Variants in GLS observed in about 807,000 individuals in gnomAD.
GLS encodes glutaminase kidney isoform, mitochondrial.
Under a neutral mutation model 86.7 loss-of-function variants are expected in GLS, and 36 were observed. That is an observed-to-expected ratio of 0.42 (90% CI 0.32 to 0.55). The LOEUF (loss-of-function observed/expected upper bound fraction) is 0.55. Among genes scored for constraint, GLS ranks in the 20% least tolerant of loss-of-function variants. The pLI, the probability that GLS is intolerant of heterozygous loss-of-function variation, is 0.17. For missense variants in GLS, 528 were observed against 833.4 expected, an observed-to-expected ratio of 0.63 and a Z score of 4.51; for synonymous variants, 317 against 305.9, an observed-to-expected ratio of 1.04 and a Z score of -0.38.
chr2:190,912,221 C>A (rs1350070924), intron 7 of GLS, among the ~76,000 whole-genome samples: 1 of 151,854 alleles, frequency 6.6e-6, no homozygotes, highest in Non-Finnish European at 1.5e-5. Context: ...CAAATTTGAT[C>A]AGTGATTTTC....
chr2:190,883,001 T>G (rs1688255819), intron 1 of GLS, among the ~76,000 whole-genome samples: 1 of 152,190 alleles, frequency 6.6e-6, no homozygotes, highest in Non-Finnish European at 1.5e-5. Context: ...TCACAACCGT[T>G]TAAAAGTTCA....
intron 17 of GLS, among the ~76,000 whole-genome samples, chr2:190,960,836 C>G (rs970517807): frequency 1.3e-5 from 2 of 152,294 alleles, no homozygotes; most frequent in East Asian, 3.9e-4. Flanking sequence ...TAAAAAAGCA[C>G]TATGATTAAA....
chr2:190,880,821 A>C lies in GLS; in HGVS notation c.-264A>C. The C allele has an allele frequency of 9.7e-6, 7 of 718,850 alleles. No individual in the cohort carries two copies. In the South Asian group the frequency reaches 1.1e-4, roughly 11 times the overall value. 44.5% of individuals were successfully genotyped at this position (718,850 alleles called of 1,614,324 possible). ...TAGCCCTCCCCTGCGCTTTAGCCTC[A>C]GTGCGGAGCCTTAGGCGGAGCGAAG... On this transcript the variant is annotated 5_prime_UTR_variant, in exon 1 of 18. Coordinates refer to ENST00000320717, the MANE Select transcript of GLS (RefSeq NM_014905.5).
chr2:190,922,592 A>G (rs1689776080), intron 9 of GLS, among the ~76,000 whole-genome samples: 2 of 152,098 alleles, frequency 1.3e-5, no homozygotes, highest in African/African-American at 4.8e-5. Flanking sequence ...TCATTTCTGT[A>G]TCCCTGTTAT....
intron 1 of GLS, among the ~76,000 whole-genome samples, chr2:190,887,268 A>T (rs1424806397): frequency 6.6e-6 from 1 of 152,214 alleles, no homozygotes; most frequent in Non-Finnish European, 1.5e-5. Context: ...ACTCAGGTGC[A>T]AAATTGCTTT....
At chr2:190,944,196 A>ATTTTTTTTTTTTTT (rs5837212) in intron 14 of GLS, among the ~76,000 whole-genome samples, 1 of 147,234 alleles carries the variant, frequency 6.8e-6, no homozygotes, top group Non-Finnish European at 1.5e-5. Context: ...AATGGCCTGG[A>ATTTTTTTTTTTTTT]TTTTTTTTTT....
Position 190,921,341 on chromosome 2 carries a change from T to G in GLS, c.1130+138T>G. ...ACACTTAAAAATACTTTAAATAGTT[T>G]TGACAAATTTCTTACAGGTAATCAT... On this transcript the variant is annotated intron_variant, in intron 9 of 17. Transcript: ENST00000320717. This position sits in a 1 kb window ranked among gnomAD's most constrained non-coding sequence, Gnocchi z 4.2. 3.0e-6 allele frequency: 2 copies of G among 671,996 alleles called. No individual in the cohort carries two copies. Among genetic ancestry groups the G allele is most frequent in the South Asian group, 3.7e-5 (2 of 53,518 alleles). The allele number at this position is 671,996 out of a possible 1,614,324, so 41.6% of individuals were successfully genotyped here. A position where few individuals can be genotyped will look rare whatever the true frequency, so the allele number is the denominator to read the frequency against.
intron 1 of GLS, among the ~76,000 whole-genome samples, chr2:190,888,683 G>A (rs1282755866): frequency 6.6e-6 from 1 of 152,106 alleles, no homozygotes; most frequent in African/African-American, 2.4e-5. Flanking sequence ...TGTAGTTTGC[G>A]TAGCCCTACA....
At chr2:190,923,553 A>G (rs1010021469) in intron 9 of GLS, among the ~76,000 whole-genome samples, 6 of 152,234 alleles carry the variant, frequency 3.9e-5, no homozygotes, top group African/African-American at 1.4e-4. Context: ...TATGTCAATT[A>G]AAATGGACTC....
In GLS at chr2:190,956,667, G is replaced by A. The variant is rs1479873254; in HGVS notation, c.1853+1849G>A. ...AGTCAATGGTAGCTTTATGGGGATAGCATAGAACCTATAAATTACTTTGGG... is the reference window on the plus strand; with the variant it reads ...AGTCAATGGTAGCTTTATGGGGATAACATAGAACCTATAAATTACTTTGGG... On this transcript the variant is annotated intron_variant, in intron 17 of 17. Transcript: ENST00000320717. The surrounding 1 kb of genome is among the most constrained non-coding windows in gnomAD (Gnocchi z 4.2). Among the ~76,000 whole-genome samples the A allele has an allele frequency of 6.6e-6, 1 of 152,110 alleles. No individual in the cohort carries two copies. Among genetic ancestry groups the A allele is most frequent in the African/African-American group, 2.4e-5 (1 of 41,424 alleles).
intron 11 of GLS, 164 bp from the exon 12 acceptor site, chr2:190,927,142 T>TTTTAAGTGGG: frequency 1.7e-6 from 1 of 586,952 alleles, no homozygotes. Flanking sequence ...TGGGTAGGAC[T>TTTTAAGTGGG]TCGGTCAACT....
At chr2:190,882,140 C>T (rs1047985057) in intron 1 of GLS, 5 of 152,204 alleles carry the variant, frequency 3.3e-5, no homozygotes, top group Non-Finnish European at 7.3e-5. Context: ...CAGTATAGAC[C>T]ACCTGTTTGC....
Position 190,947,717 on chromosome 2 carries a change from A to G in GLS, c.1651-5848A>G, listed in dbSNP as rs1412160374. ...TTGGCCTCCTTGACAGGTATTTTAA[A>G]ATCAATGTAACTCAAGTATCCAGTG... is the stretch of plus-strand genomic sequence containing the variant. On this transcript the variant is annotated intron_variant, in intron 14 of 17. Transcript: ENST00000320717. This position sits in a 1 kb window ranked among gnomAD's most constrained non-coding sequence, Gnocchi z 5.0. Among the ~76,000 whole-genome samples, 2 of 152,148 alleles carry G rather than the reference A, an allele frequency of 1.3e-5. No homozygotes were observed. Among genetic ancestry groups the G allele is most frequent in the Admixed American group, 1.3e-4 (2 of 15,270 alleles).
chr2:190,930,343 C>A lies in GLS; in HGVS notation c.1426-94C>A. On this transcript the variant is annotated intron_variant, in intron 12 of 17. Transcript: ENST00000320717. The surrounding 1 kb of genome is among the most constrained non-coding windows in gnomAD (Gnocchi z 5.0). Reference sequence around the variant, plus strand: ...AAAGTGCTGAGATTACAGGAGTGAGCCATGGTGCCCAGCCCCAGTTTCCCT... The same window carrying A: ...AAAGTGCTGAGATTACAGGAGTGAGACATGGTGCCCAGCCCCAGTTTCCCT... 1.1e-6 allele frequency: 1 copy of A among 913,500 alleles called. No homozygotes were observed. Among genetic ancestry groups the A allele is most frequent in the Non-Finnish European group, 1.8e-6 (1 of 568,478 alleles). The allele number at this position is 913,500 out of a possible 1,614,324, so 56.6% of individuals were successfully genotyped here.
At chr2:190,960,359 A>T (rs1273097525) in intron 17 of GLS, among the ~76,000 whole-genome samples, 6 of 101,476 alleles carry the variant, frequency 5.9e-5, no homozygotes, top group Admixed American at 1.2e-4. Context: ...TTAAGCTTCA[A>T]TTTTTTTTTT....
Position 190,930,792 on chromosome 2 carries a change from T to C in GLS, c.1557+224T>C, listed in dbSNP as rs1690083943. Among the ~76,000 whole-genome samples the C allele has an allele frequency of 6.6e-6, 1 of 152,234 alleles. No homozygotes were observed. The highest frequency in any genetic ancestry group is 1.5e-5 in the Non-Finnish European group (1 of 68,036). ...AGATTATATTTGTTAGATGCTAATA[T>C]TTTAATTTTCATGGTTATAATTAGT... On this transcript the variant is annotated intron_variant, in intron 13 of 17. Coordinates refer to ENST00000320717, the MANE Select transcript of GLS (RefSeq NM_014905.5). The surrounding 1 kb of genome is among the most constrained non-coding windows in gnomAD (Gnocchi z 5.0).
chr2:190,957,528 T>C (rs1324812843), intron 17 of GLS, among the ~76,000 whole-genome samples: 2 of 152,246 alleles, frequency 1.3e-5, no homozygotes, highest in Non-Finnish European at 2.9e-5. Context: ...CCATTCAGTA[T>C]GATATTGGCT....
rs1246994664 is a variant in GLS, at chr2:190,895,422, GAAAA to G, written c.483+176_484-177del. The G allele has an allele frequency of 7.3e-6, 4 of 550,580 alleles. No individual in the cohort carries two copies. Among genetic ancestry groups the G allele is most frequent in the East Asian group, 5.9e-5 (2 of 33,944 alleles). 34.1% of individuals were successfully genotyped at this position (550,580 alleles called of 1,614,324 possible). A position where few individuals can be genotyped will look rare whatever the true frequency, so the allele number is the denominator to read the frequency against. On this transcript the variant is annotated intron_variant, in intron 2 of 17. Coordinates refer to ENST00000320717, the MANE Select transcript of GLS (RefSeq NM_014905.5). This position sits in a 1 kb window ranked among gnomAD's most constrained non-coding sequence, Gnocchi z 4.2. ...GCTCATTTCAAGGTAATCAGTGAAAGAAAAAGAAAGAAACAATGAGAAACTTGTC... is the reference window on the plus strand; with the variant it reads ...GCTCATTTCAAGGTAATCAGTGAAAGAGAAAGAAACAATGAGAAACTTGTC...
In GLS at chr2:190,895,742, A is replaced by G; in HGVS notation, c.605+17A>G. The G allele has an allele frequency of 1.3e-6, 2 of 1,574,038 alleles. No individual in the cohort carries two copies. Among genetic ancestry groups the G allele is most frequent in the Non-Finnish European group, 8.7e-7 (1 of 1,154,396 alleles). Reference sequence around the variant, plus strand: ...TTTTAAAAAGTAAAAGTTTCTGCCAAACCTTTAATGGTGATTTGCTATGCT... The same window carrying G: ...TTTTAAAAAGTAAAAGTTTCTGCCAGACCTTTAATGGTGATTTGCTATGCT... On this transcript the variant is annotated intron_variant, in intron 3 of 17. Transcript: ENST00000320717. The surrounding 1 kb of genome is among the most constrained non-coding windows in gnomAD (Gnocchi z 4.2).
Sources: gnomAD v4.1 joint callset for allele counts (sites outside exome capture counted in the v4.1 genomes callset) on GRCh38, gnomAD v4.1.1 for gene constraint, Gnocchi (gnomAD v3.1) non-coding constraint, MANE v1.5 for transcripts, NCBI Gene and HGNC (gene_info 2026-07-23, HGNC 2026-07-21) for gene names.